DENND1A: variants seen among roughly 807,000 people sequenced by gnomAD.
The protein encoded by DENND1A is DENN domain-containing protein 1A.
A neutral mutation model predicts 113.7 loss-of-function variants in DENND1A; 51 were observed. The observed-to-expected ratio is 0.45, with a 90% CI of 0.36 to 0.57. The LOEUF is 0.57. DENND1A is among the 20% of genes least tolerant of loss of function. The pLI is 0.00. For synonymous variants in DENND1A, 565 were observed against 570.8 expected (o/e 0.99, Z 0.14); for missense variants, 1,258 against 1,395.9 (o/e 0.90, Z 1.57).
At chr9:123,713,376 G>T (rs1735282004) in intron 5 of DENND1A, among the ~76,000 whole-genome samples, 1 of 152,140 alleles carries the variant, frequency 6.6e-6, no homozygotes, top group Non-Finnish European at 1.5e-5. Context: ...CTATTAAAGA[G>T]GTAATATAAA....
intron 1 of DENND1A, among the ~76,000 whole-genome samples, chr9:123,929,308 T>C (rs1430657661): frequency 6.6e-6 from 1 of 152,168 alleles, no homozygotes; most frequent in Non-Finnish European, 1.5e-5. Context: ...AGAGGTATCC[T>C]CCTTCACAGC....
intron 1 of DENND1A, among the ~76,000 whole-genome samples, chr9:123,916,449 C>T (rs1450747103): frequency 2.0e-5 from 3 of 150,706 alleles, no homozygotes; most frequent in Non-Finnish European, 4.4e-5. Flanking sequence ...CTCGGCTCAC[C>T]GCAACCTCTG....
intron 1 of DENND1A, among the ~76,000 whole-genome samples, chr9:123,913,102 C>A: frequency 1.6e-5 from 2 of 125,220 alleles, no homozygotes; most frequent in African/African-American, 6.1e-5. Flanking sequence ...AAAGCCAGAC[C>A]AAAGACAGTT....
At chr9:123,768,618 T>C (rs1366822852) in intron 4 of DENND1A, among the ~76,000 whole-genome samples, 1 of 152,130 alleles carries the variant, frequency 6.6e-6, no homozygotes, top group Non-Finnish European at 1.5e-5. Context: ...AGATGTAATG[T>C]ATGTACAGTT....
At chr9:123,864,886 C>A (rs1423026716) in intron 2 of DENND1A, among the ~76,000 whole-genome samples, 2 of 152,156 alleles carry the variant, frequency 1.3e-5, no homozygotes, top group African/African-American at 4.8e-5. Context: ...ACACTGAGTG[C>A]CTACTACATT....
At chr9:123,885,743 A>G (rs1450690925) in intron 1 of DENND1A, among the ~76,000 whole-genome samples, 1 of 152,234 alleles carries the variant, frequency 6.6e-6, no homozygotes, top group Non-Finnish European at 1.5e-5. Context: ...CACAGTTCTC[A>G]GTGCACCGGA....
At chr9:123,894,208 G>C (rs1305580166) in intron 1 of DENND1A, among the ~76,000 whole-genome samples, 2 of 152,216 alleles carry the variant, frequency 1.3e-5, no homozygotes, top group East Asian at 3.8e-4. Context: ...GAGGAGGAGA[G>C]AGATGAGTAA....
chr9:123,724,583 C>G (rs1433902546), intron 5 of DENND1A, among the ~76,000 whole-genome samples: 1 of 151,616 alleles, frequency 6.6e-6, no homozygotes, highest in African/African-American at 2.4e-5. Context: ...AAAATGAAAG[C>G]TAGGATGCAG....
intron 21 of DENND1A, among the ~76,000 whole-genome samples, chr9:123,392,574 C>T (rs2042915126): frequency 6.6e-6 from 1 of 152,274 alleles, no homozygotes; most frequent in African/African-American, 2.4e-5. Flanking sequence ...CGGTGGGTGC[C>T]AGTCTGTCTA....
chr9:123,386,465 T>C (rs2042569726), intron 22 of DENND1A, among the ~76,000 whole-genome samples: 1 of 147,540 alleles, frequency 6.8e-6, no homozygotes, highest in African/African-American at 2.5e-5. Context: ...CACTGCAACC[T>C]CCGCCTCCCG....
chr9:123,499,428 C>CTT (rs1179295592), intron 13 of DENND1A, among the ~76,000 whole-genome samples: 1 of 152,206 alleles, frequency 6.6e-6, no homozygotes, highest in Non-Finnish European at 1.5e-5. Flanking sequence ...AGCTAATGTA[C>CTT]TTAGCAAATG....
chr9:123,690,453 G>A (rs1274187057), intron 5 of DENND1A, among the ~76,000 whole-genome samples: 2 of 152,014 alleles, frequency 1.3e-5, no homozygotes, highest in East Asian at 3.9e-4. Context: ...AATATATTAT[G>A]AACTATCAAA....
intron 13 of DENND1A, among the ~76,000 whole-genome samples, chr9:123,522,257 C>T (rs989424509): frequency 2.0e-5 from 3 of 152,216 alleles, no homozygotes; most frequent in South Asian, 2.1e-4. Flanking sequence ...CCCTCTCTCC[C>T]ACCCAGAGCT....
intron 9 of DENND1A, among the ~76,000 whole-genome samples, chr9:123,638,811 G>A (rs184546055): frequency 2.0e-5 from 3 of 151,876 alleles, no homozygotes; most frequent in African/African-American, 4.8e-5. Flanking sequence ...AGAAGAAATC[G>A]ATTTGCCACC....
chr9:123,894,203 GGAGA>G (rs1242936831), intron 1 of DENND1A, among the ~76,000 whole-genome samples: 1 of 152,200 alleles, frequency 6.6e-6, no homozygotes, highest in Non-Finnish European at 1.5e-5. Context: ...TCCCTGAGGA[GGAGA>G]GAGATGAGTA....
At chr9:123,905,147 A>G (rs1445950188) in intron 1 of DENND1A, among the ~76,000 whole-genome samples, 2 of 151,776 alleles carry the variant, frequency 1.3e-5, no homozygotes, top group Non-Finnish European at 2.9e-5. Context: ...CTTTACAGAC[A>G]AGCAAATGCT....
At chr9:123,653,064 C>T (rs992522283) in intron 8 of DENND1A, among the ~76,000 whole-genome samples, 2 of 152,164 alleles carry the variant, frequency 1.3e-5, no homozygotes, top group Admixed American at 6.5e-5. Flanking sequence ...ATGCTATTGC[C>T]AGGCGTTGCA....
chr9:123,414,252 A>G, intron 19 of DENND1A: 1 of 1,282,534 alleles, frequency 7.8e-7, no homozygotes, highest in African/African-American at 1.5e-5. Context: ...TCCTGTTAGG[A>G]AGATTCAACG....
chr9:123,704,408 C>G (rs2066057752), intron 5 of DENND1A, among the ~76,000 whole-genome samples: 2 of 152,186 alleles, frequency 1.3e-5, no homozygotes, highest in Non-Finnish European at 1.5e-5. Flanking sequence ...ATTCTTGATG[C>G]TGTTGCAGGG....
Sources: gnomAD v4.1 joint callset for allele counts (sites outside exome capture counted in the v4.1 genomes callset) on GRCh38, gnomAD v4.1.1 for gene constraint, MANE v1.5 for transcripts, NCBI Gene and HGNC (gene_info 2026-07-23, HGNC 2026-07-21) for gene names.